Variants in ADGRD1 observed in about 807,000 individuals in gnomAD.
ADGRD1 encodes G-protein coupled receptor 133.
A neutral mutation model predicts 113.4 loss-of-function variants in ADGRD1; 77 were observed. The observed-to-expected ratio is 0.68, with a 90% CI of 0.57 to 0.82. ADGRD1 has a LOEUF of 0.82. Ranked by LOEUF, ADGRD1 falls within the 40% of genes least tolerant of loss-of-function variation. The pLI is 0.00. For missense variants in ADGRD1, 1,036 were observed against 1,139.1 expected, an observed-to-expected ratio of 0.91 and a Z score of 1.30; for synonymous variants, 474 against 475.0, an observed-to-expected ratio of 1.00 and a Z score of 0.03.
chr12:131,138,556 G>A (rs3825100), intron 24 of ADGRD1, among the ~76,000 whole-genome samples: 5,320 of 152,286 alleles, frequency 0.035, 287 homozygotes, highest in African/African-American at 0.11. Flanking sequence ...AGGCCCCCAG[G>A]CAGTCTGGAG....
chr12:131,001,912 C>T (rs952785711), intron 9 of ADGRD1, among the ~76,000 whole-genome samples: 2 of 152,154 alleles, frequency 1.3e-5, no homozygotes, highest in Non-Finnish European at 2.9e-5. Flanking sequence ...TTTATTCTCT[C>T]ATTATTAATA....
chr12:131,115,899 G>C (rs897752941), intron 18 of ADGRD1, among the ~76,000 whole-genome samples: 3 of 152,150 alleles, frequency 2.0e-5, no homozygotes, highest in African/African-American at 7.2e-5. Context: ...AACTCATTAC[G>C]TTCCCATGGT....
At chr12:131,067,368 G>A (rs1377008878) in intron 13 of ADGRD1, among the ~76,000 whole-genome samples, 12 of 152,230 alleles carry the variant, frequency 7.9e-5, no homozygotes. Flanking sequence ...TAGTGAGAAA[G>A]AACTGGAGAA....
intron 15 of ADGRD1, among the ~76,000 whole-genome samples, chr12:131,103,124 T>C (rs10773846): frequency 0.32 from 48,085 of 152,148 alleles, 7,846 homozygotes; most frequent in South Asian, 0.42. Context: ...CCCTGGGAAA[T>C]TGGAAGTTGT....
chr12:131,021,607 A>G (rs1000994858), intron 13 of ADGRD1, among the ~76,000 whole-genome samples: 4 of 152,154 alleles, frequency 2.6e-5, no homozygotes, highest in African/African-American at 7.2e-5. Flanking sequence ...AGGTGTCGGT[A>G]GGTTTGGTTT....
intron 12 of ADGRD1, among the ~76,000 whole-genome samples, chr12:131,011,028 C>T (rs912790103): frequency 1.3e-4 from 19 of 151,950 alleles, no homozygotes; most frequent in African/African-American, 3.6e-4. Context: ...CAGGACGGGG[C>T]GGGTGGAGGC....
At position 130,971,060 on chromosome 12, in the gene ADGRD1, G is replaced by T; in HGVS notation, c.188-398G>T. ...GAAAAGCAGGTCGGCACAAAGTCCA[G>T]GACAGGAGGCGGTCGCCACGCCACG... On this transcript the variant is annotated intron_variant, in intron 3 of 24. Transcript: ENST00000261654. This position sits in a 1 kb window ranked among gnomAD's most constrained non-coding sequence, Gnocchi z 4.2. 1 of 157,140 alleles carries T rather than the reference G, an allele frequency of 6.4e-6. No homozygotes were observed. The allele number at this position is 157,140 out of a possible 1,614,324, so 9.7% of individuals were successfully genotyped here. A position where few individuals can be genotyped will look rare whatever the true frequency, so the allele number is the denominator to read the frequency against.
Position 131,116,031 on chromosome 12 carries a change from A to G in ADGRD1, c.2042-2354A>G, listed in dbSNP as rs183727789. ...GCTCTTCCCACTCACTGTCTTCTCC[A>G]TCTTACTGCCCCTCTCCTTATCCTC... is the stretch of plus-strand genomic sequence containing the variant. On this transcript the variant is annotated intron_variant, in intron 18 of 24. Coordinates refer to ENST00000261654, the MANE Select transcript of ADGRD1 (RefSeq NM_198827.5). Among the ~76,000 whole-genome samples, 9 of 152,268 alleles carry G rather than the reference A, an allele frequency of 5.9e-5. No individual in the cohort carries two copies. In the East Asian group the frequency reaches 1.5e-3, roughly 26 times the overall value.
Position 131,075,474 on chromosome 12 carries a change from G to T in ADGRD1, c.1474-1327G>T, listed in dbSNP as rs1015224905. Among the ~76,000 whole-genome samples the T allele has an allele frequency of 2.0e-5, 3 of 152,206 alleles. No homozygotes were observed. Among genetic ancestry groups the T allele is most frequent in the African/African-American group, 7.2e-5 (3 of 41,456 alleles). Reference sequence around the variant, plus strand: ...ATGTCTTTTCCAGGCGGTTTTAAGAGACCCTGTGATGGATTAAAATAACCC... The same window carrying T: ...ATGTCTTTTCCAGGCGGTTTTAAGATACCCTGTGATGGATTAAAATAACCC... On this transcript the variant is annotated intron_variant, in intron 13 of 24. Coordinates refer to ENST00000261654, the MANE Select transcript of ADGRD1 (RefSeq NM_198827.5). This position sits in a 1 kb window ranked among gnomAD's most constrained non-coding sequence, Gnocchi z 5.3.
chr12:131,128,232 A>G (rs75688681), intron 20 of ADGRD1, among the ~76,000 whole-genome samples: 7 of 146,900 alleles, frequency 4.8e-5, no homozygotes, highest in Non-Finnish European at 7.5e-5. Context: ...GTTGGTTGTG[A>G]TGGGACCCTG....
At chr12:131,122,265 G>C (rs929293272) in intron 20 of ADGRD1, among the ~76,000 whole-genome samples, 13 of 152,128 alleles carry the variant, frequency 8.5e-5, no homozygotes, top group African/African-American at 3.1e-4. Flanking sequence ...GGTCGCGAGG[G>C]AAAGGCTTGT....
At chr12:130,983,532 C>T (rs1377771976) in intron 5 of ADGRD1, among the ~76,000 whole-genome samples, 3 of 152,166 alleles carry the variant, frequency 2.0e-5, no homozygotes, top group Admixed American at 2.0e-4. Flanking sequence ...GGTTCTTTGA[C>T]CTTGAACAAA....
In ADGRD1 at chr12:131,076,785, C is replaced by T. The variant is rs770225751; in HGVS notation, c.1474-16C>T. On this transcript the variant is annotated splice_polypyrimidine_tract_variant and intron_variant, in intron 13 of 24. Transcript: ENST00000261654. ...TCAGCAGCGTCATGCATCGTGTTTGCTTTCTTTCATTTCAGACACGTAAGC... is the reference window on the plus strand; with the variant it reads ...TCAGCAGCGTCATGCATCGTGTTTGTTTTCTTTCATTTCAGACACGTAAGC... 6.2e-7 allele frequency: 1 copy of T among 1,612,916 alleles called. No individual in the cohort carries two copies. The highest frequency in any genetic ancestry group is 8.5e-7 in the Non-Finnish European group (1 of 1,178,878).
chr12:130,998,419 TG>T (rs1054080027), intron 8 of ADGRD1, among the ~76,000 whole-genome samples: 5 of 152,138 alleles, frequency 3.3e-5, no homozygotes, highest in African/African-American at 1.2e-4. Context: ...TCAAAGTTTT[TG>T]GCATCCATTA....
chr12:130,978,423 A>G (rs1302707962), intron 4 of ADGRD1: 1 of 152,176 alleles, frequency 6.6e-6, no homozygotes, highest in East Asian at 1.9e-4. Context: ...AACAAGAAAA[A>G]ATTATCAAAT....
intron 15 of ADGRD1, among the ~76,000 whole-genome samples, chr12:131,102,091 G>A (rs556171756): frequency 3.9e-5 from 6 of 152,300 alleles, no homozygotes; most frequent in Admixed American, 3.9e-4. Flanking sequence ...CATCCAAAAA[G>A]TCTTTTAAGG....
At chr12:131,095,923 TACAC>T (rs899188097) in intron 15 of ADGRD1, among the ~76,000 whole-genome samples, 7 of 152,154 alleles carry the variant, frequency 4.6e-5, no homozygotes, top group African/African-American at 1.4e-4. Flanking sequence ...GTAAAGATGA[TACAC>T]GCATGTGGGA....
chr12:131,064,841 C>T (rs893068604), intron 13 of ADGRD1, among the ~76,000 whole-genome samples: 18 of 152,168 alleles, frequency 1.2e-4, no homozygotes, highest in Middle Eastern at 3.2e-3. Context: ...TCAGTGAATC[C>T]TCAAGTGCTG....
intron 18 of ADGRD1, 48 bp downstream of exon 18, chr12:131,108,925 G>A (rs764448328): frequency 9.4e-7 from 1 of 1,069,342 alleles, no homozygotes; most frequent in Non-Finnish European, 1.3e-6. Flanking sequence ...GGGACAGGAA[G>A]AGACAGGTGG....
Sources: allele counts gnomAD v4.1 joint callset (sites outside exome capture counted in the v4.1 genomes callset), GRCh38; gene constraint gnomAD v4.1.1; non-coding constraint Gnocchi (gnomAD v3.1); transcripts MANE v1.5; gene names NCBI Gene and HGNC (gene_info 2026-07-23, HGNC 2026-07-21).